The following FREM2 variants were observed in gnomAD, a reference collection of about 807,000 sequenced individuals.
The protein encoded by FREM2 is FRAS1 related extracellular matrix 2.
FREM2 carries 119 observed loss-of-function variants against 219.9 expected under a neutral mutation model. That is an observed-to-expected ratio of 0.54 (90% confidence interval 0.47 to 0.63). The LOEUF (loss-of-function observed/expected upper bound fraction) is 0.63. Ranked by LOEUF, FREM2 falls within the 30% of genes least tolerant of loss-of-function variation. The pLI, the probability that FREM2 is intolerant of heterozygous loss-of-function variation, is 0.00. For synonymous variants in FREM2, 1,562 were observed against 1,522.8 expected (o/e 1.03, Z -0.60); for missense variants, 4,030 against 3,993.6 (o/e 1.01, Z -0.25).
intron 6 of FREM2, among the ~76,000 whole-genome samples, chr13:38,827,128 G>C (rs930023577): frequency 6.6e-6 from 1 of 152,004 alleles, no homozygotes; most frequent in African/African-American, 2.4e-5. Context: ...TTTTTTTACA[G>C]TACAGATTTT....
chr13:38,769,886 C>G, intron 4 of FREM2, 78 bp downstream of exon 4: 1 of 1,033,620 alleles, frequency 9.7e-7, no homozygotes, highest in Non-Finnish European at 1.5e-6. Context: ...GTATAGCTTA[C>G]AGTTTTAAAT....
chr13:38,759,461 A>AC (rs1873144754), intron 2 of FREM2, among the ~76,000 whole-genome samples: 2 of 151,996 alleles, frequency 1.3e-5, no homozygotes, highest in African/African-American at 4.8e-5. Context: ...AAAAAAAAAA[A>AC]AAAACGACTG....
intron 16 of FREM2, 89 bp from the exon 17 acceptor site, chr13:38,872,653 T>G: frequency 2.1e-5 from 23 of 1,070,166 alleles, no homozygotes; most frequent in Non-Finnish European, 3.3e-5. Context: ...AAATCTTCAG[T>G]TAAGCGAAAA....
intron 2 of FREM2, among the ~76,000 whole-genome samples, chr13:38,756,910 T>TA (rs1308084769): frequency 6.6e-6 from 1 of 151,988 alleles, no homozygotes; most frequent in Non-Finnish European, 1.5e-5. Context: ...AATGTGGCAC[T>TA]AAAAAAACTG....
chr13:38,717,517 A>G (rs549003225), intron 2 of FREM2, among the ~76,000 whole-genome samples: 2 of 141,876 alleles, frequency 1.4e-5, no homozygotes, highest in East Asian at 4.4e-4. Flanking sequence ...CTGGGGTTCA[A>G]GTGATTCTCT....
chr13:38,778,385 T>G (rs947943999), intron 4 of FREM2, among the ~76,000 whole-genome samples: 2 of 152,180 alleles, frequency 1.3e-5, no homozygotes, highest in Admixed American at 1.3e-4. Flanking sequence ...AAAAGACGTT[T>G]CCTTGGTGCA....
intron 2 of FREM2, among the ~76,000 whole-genome samples, chr13:38,714,436 A>G (rs1276254212): frequency 6.6e-6 from 1 of 152,244 alleles, no homozygotes; most frequent in Non-Finnish European, 1.5e-5. Flanking sequence ...ATTCAAATGT[A>G]TAAAAGTTGT....
At chr13:38,758,354 A>G (rs1873096244) in intron 2 of FREM2, among the ~76,000 whole-genome samples, 1 of 152,212 alleles carries the variant, frequency 6.6e-6, no homozygotes, top group African/African-American at 2.4e-5. Context: ...ATGTCTAAAT[A>G]CCACCCTGTA....
At chr13:38,718,070 T>C (rs1483760313) in intron 2 of FREM2, among the ~76,000 whole-genome samples, 2 of 152,202 alleles carry the variant, frequency 1.3e-5, no homozygotes, top group African/African-American at 4.8e-5. Context: ...ATATGATATG[T>C]GTTACCCAAA....
chr13:38,720,111 A>G (rs1213882024), intron 2 of FREM2, among the ~76,000 whole-genome samples: 1 of 152,172 alleles, frequency 6.6e-6, no homozygotes, highest in Non-Finnish European at 1.5e-5. Context: ...TAACAGTGCC[A>G]ATTTTCCTTC....
intron 2 of FREM2, among the ~76,000 whole-genome samples, chr13:38,746,895 C>T (rs1003208873): frequency 7.2e-5 from 11 of 152,012 alleles, no homozygotes; most frequent in Non-Finnish European, 1.2e-4. Flanking sequence ...CAACCTTTGG[C>T]GATTTGGCAG....
chr13:38,726,583 G>A (rs998090348), intron 2 of FREM2, among the ~76,000 whole-genome samples: 1 of 152,062 alleles, frequency 6.6e-6, no homozygotes, highest in Admixed American at 6.6e-5. Context: ...GTGTAGGGGT[G>A]GGGGCAGGTT....
intron 6 of FREM2, chr13:38,827,448 A>G (rs1394586119): frequency 6.6e-6 from 1 of 152,168 alleles, no homozygotes; most frequent in Admixed American, 6.6e-5. Context: ...ACTTTTGAAT[A>G]GAAACTTGGG....
chr13:38,735,743 G>T (rs1295856335), intron 2 of FREM2, among the ~76,000 whole-genome samples: 1 of 152,142 alleles, frequency 6.6e-6, no homozygotes, highest in Non-Finnish European at 1.5e-5. Context: ...AGGTTCTGTT[G>T]TCTGAAATCT....
At chr13:38,707,725 T>G (rs561682417) in intron 2 of FREM2, among the ~76,000 whole-genome samples, 28 of 152,332 alleles carry the variant, frequency 1.8e-4, no homozygotes, top group African/African-American at 6.3e-4. Context: ...GTGAAACTGG[T>G]TGGTAGACTT....
chr13:38,691,967 G>T lies in FREM2; in HGVS notation c.4623G>T (p.Leu1541=). 1 of 1,614,212 alleles carries T rather than the reference G, an allele frequency of 6.2e-7. No homozygotes were observed. The highest frequency in any genetic ancestry group is 2.2e-5 in the East Asian group (1 of 44,886). ...AGCCAGTGGTCACCATCCACAAGCT[G>T]GTTGTCAGTGAAAGTGAAAACAAGC... is the stretch of plus-strand genomic sequence containing the variant. ...NKKPVVTIHK[L]VVSESENKLI... Residue 1541 remains leucine (L), a synonymous_variant, in exon 1 of 24, where the codon CTG becomes CTT. Coordinates refer to ENST00000280481, the MANE Select transcript of FREM2 (RefSeq NM_207361.6).
intron 6 of FREM2, among the ~76,000 whole-genome samples, chr13:38,811,479 T>C (rs1325623247): frequency 1.3e-5 from 2 of 152,044 alleles, no homozygotes; most frequent in East Asian, 1.9e-4. Flanking sequence ...CTGTATCCCA[T>C]AGGTTTTGGT....
At position 38,691,169 on chromosome 13, in the gene FREM2, C is replaced by A. The variant is rs376806959; in HGVS notation, c.3825C>A (p.Asp1275Glu). Reference protein sequence around the residue: ...YEHDDSETQEDSFVIKLTDGK... With the variant: ...YEHDDSETQEESFVIKLTDGK... The stretch of plus-strand genomic sequence containing the variant: ...ATGATGACTCCGAGACCCAGGAAGA[C>A]AGTTTTGTGATTAAACTAACAGATG... Residue 1275 changes from aspartate to glutamate, a missense_variant, in exon 1 of 24, where the codon GAC becomes GAA. Around this residue, in one of 2 missense-constraint regions of FREM2, gnomAD observed 3,102 missense variants for 2,950.7 expected, o/e 1.05. Coordinates refer to ENST00000280481, the MANE Select transcript of FREM2 (RefSeq NM_207361.6). 6.2e-7 allele frequency: 1 copy of A among 1,614,022 alleles called. No individual in the cohort carries two copies. Among genetic ancestry groups the A allele is most frequent in the South Asian group, 1.1e-5 (1 of 91,056 alleles).
intron 1 of FREM2, among the ~76,000 whole-genome samples, chr13:38,692,997 A>G (rs1869959387): frequency 2.0e-5 from 3 of 152,258 alleles, no homozygotes; most frequent in Non-Finnish European, 2.9e-5. Context: ...TTTTAAGAGC[A>G]TTGCTCTGAC....
Sources: gnomAD v4.1 joint callset for allele counts (sites outside exome capture counted in the v4.1 genomes callset) on GRCh38, gnomAD v4.1.1 for gene constraint, gnomAD v4.1.1 regional missense constraint, MANE v1.5 for transcripts, NCBI Gene and HGNC (gene_info 2026-07-23, HGNC 2026-07-21) for gene names.